The following ARHGAP45 variants were observed in gnomAD, a reference collection of about 807,000 sequenced individuals.
ARHGAP45 encodes the protein rho GTPase-activating protein 45.
Under a neutral mutation model 116.1 loss-of-function variants are expected in ARHGAP45, and 56 were observed. The ratio of observed to expected loss-of-function variants is 0.48; its 90% confidence interval spans 0.39 to 0.60. ARHGAP45 has a LOEUF of 0.60. Ranked by LOEUF, ARHGAP45 falls within the 20% of genes least tolerant of loss-of-function variation. ARHGAP45 has a pLI of 0.00. For synonymous variants in ARHGAP45, 866 were observed against 701.7 expected (o/e 1.23, Z -3.70); for missense variants, 1,622 against 1,601.0 (o/e 1.01, Z -0.22).
rs1219835297 is a variant in ARHGAP45, at chr19:1,080,912, C to G, written c.2038C>G (p.Pro680Ala). 2 of 1,608,720 alleles carry G rather than the reference C, an allele frequency of 1.2e-6. No homozygotes were observed. Among genetic ancestry groups the G allele is most frequent in the Non-Finnish European group, 1.7e-6 (2 of 1,177,910 alleles). ...CGCAGCTGACCTCAACGGCATGACC[C>G]CCGAGCTGCCGGTGGCCGTGCCCAG... ...FEQADLNGMTPELPVAVPSGP... is the reference protein window; with the variant it reads ...FEQADLNGMTAELPVAVPSGP... The change falls in exon 17 of 23, where the codon CCC (proline) becomes GCC (alanine). Residue 680 changes from proline (P) to alanine (A), a missense_variant. Physicochemically the swap from Pro to Ala is conservative, Grantham distance 27 (BLOSUM62 -1). Coordinates refer to ENST00000313093, the MANE Select transcript of ARHGAP45 (RefSeq NM_012292.5).
intron 17 of ARHGAP45, 68 bp downstream of exon 17, chr19:1,081,132 C>A: frequency 6.7e-7 from 1 of 1,483,630 alleles, no homozygotes; most frequent in Non-Finnish European, 9.1e-7. Context: ...GCACCGCCGG[C>A]CTGTGTGCCC....
chr19:1,075,890 T>C (rs2043237101), intron 10 of ARHGAP45, among the ~76,000 whole-genome samples: 2 of 152,202 alleles, frequency 1.3e-5, no homozygotes, highest in South Asian at 4.1e-4. Flanking sequence ...TTCCAGCACA[T>C]ACCGGCAAAC....
rs746545841 is a variant in ARHGAP45, at chr19:1,080,268, C to T, written c.1717C>T (p.Arg573Cys). ...VSANAWSPVM[R>C]ARKSSFNVSD... The stretch of plus-strand genomic sequence containing the variant: ...TTCTTCCACTAGGTCCCCCGTCATG[C>T]GTGCCCGGAAGAGCAGCTTCAACGT... The change falls in exon 14 of 23, where the codon CGT becomes TGT. Residue 573 changes from arginine to cysteine, a missense_variant. By Grantham distance (180) the Arg-to-Cys change is radical (BLOSUM62 -3). Coordinates refer to ENST00000313093, the MANE Select transcript of ARHGAP45 (RefSeq NM_012292.5). The T allele has an allele frequency of 8.1e-6, 13 of 1,612,614 alleles. No individual in the cohort carries two copies. The highest frequency in any genetic ancestry group is 1.1e-5 in the Non-Finnish European group (13 of 1,179,862).
At position 1,074,146 on chromosome 19, in the gene ARHGAP45, G is replaced by T; in HGVS notation, c.833G>T (p.Cys278Phe). 1 of 1,613,414 alleles carries T rather than the reference G, an allele frequency of 6.2e-7. No homozygotes were observed. The highest frequency in any genetic ancestry group is 8.5e-7 in the Non-Finnish European group (1 of 1,179,984). Reference sequence around the variant, plus strand: ...GAGGTGGACGTGCTGCTACAGCGCTGTGAGGGGGGCGTGGATGCCGCACTG... The same window carrying T: ...GAGGTGGACGTGCTGCTACAGCGCTTTGAGGGGGGCGTGGATGCCGCACTG... ...AEEVDVLLQRCEGGVDAALLY... is the reference protein window; with the variant it reads ...AEEVDVLLQRFEGGVDAALLY... Residue 278 changes from cysteine to phenylalanine, a missense_variant, in exon 7 of 23, where the codon TGT becomes TTT. Cys to Phe is a radical substitution (Grantham distance 205). Coordinates refer to ENST00000313093, the MANE Select transcript of ARHGAP45 (RefSeq NM_012292.5).
chr19:1,067,199 G>T lies in ARHGAP45; in HGVS notation c.-207G>T, dbSNP rs1192826586. 1 of 1,349,034 alleles carries T rather than the reference G, an allele frequency of 7.4e-7. No individual in the cohort carries two copies. Among genetic ancestry groups the T allele is most frequent in the Non-Finnish European group, 9.5e-7 (1 of 1,056,308 alleles). 83.6% of individuals were successfully genotyped at this position (1,349,034 alleles called of 1,614,324 possible). On this transcript the variant is annotated 5_prime_UTR_variant, in exon 1 of 23. Coordinates refer to ENST00000313093, the MANE Select transcript of ARHGAP45 (RefSeq NM_012292.5). Reference sequence around the variant, plus strand: ...AGAGCCGCAGGCTGAGGCCGGGAAGGGTCGGGGGCGAGGCCGCGTCGCCGC... The same window carrying T: ...AGAGCCGCAGGCTGAGGCCGGGAAGTGTCGGGGGCGAGGCCGCGTCGCCGC...
intron 10 of ARHGAP45, 32 bp downstream of exon 10, chr19:1,074,911 G>A: frequency 6.9e-7 from 1 of 1,445,244 alleles, no homozygotes; most frequent in Non-Finnish European, 9.3e-7. Context: ...GGGCGGGGGC[G>A]GGCAGCGGGC....
chr19:1,079,890 C>A (rs746939162), intron 12 of ARHGAP45, 38 bp from the exon 13 acceptor site: 2 of 1,593,966 alleles, frequency 1.3e-6, no homozygotes. Context: ...ACCGGGCGGC[C>A]TCCTCCTGAC....
chr19:1,081,584 C>T lies in ARHGAP45; in HGVS notation c.2225C>T (p.Thr742Met), dbSNP rs1915887205. The T allele has an allele frequency of 1.3e-6, 2 of 1,505,304 alleles. No individual in the cohort carries two copies. Among genetic ancestry groups the T allele is most frequent in the Non-Finnish European group, 1.8e-6 (2 of 1,125,190 alleles). 93.2% of individuals were successfully genotyped at this position (1,505,304 alleles called of 1,614,324 possible). ...GCCTGCCACAAGAAATGTCTGGAGA[C>T]GCTGGCCATACAGTGCGGGCACAAG... ...CLACHKKCLETLAIQCGHKKL... is the reference protein window; with the variant it reads ...CLACHKKCLEMLAIQCGHKKL... Residue 742 changes from threonine (T) to methionine (M), a missense_variant, in exon 18 of 23, where the codon ACG becomes ATG. Thr to Met is a moderately conservative substitution (Grantham distance 81, BLOSUM62 -1). Transcript: ENST00000313093.
rs113132485 is a variant in ARHGAP45, at chr19:1,085,041, C to A, written c.3065-619C>A. 3.3e-3 allele frequency among the ~76,000 whole-genome samples: 505 copies of A among 152,282 alleles called. 7 individuals are homozygous for A. The highest frequency in any genetic ancestry group is 0.012 in the African/African-American group (484 of 41,546). On this transcript the variant is annotated intron_variant, in intron 22 of 22. Coordinates refer to ENST00000313093, the MANE Select transcript of ARHGAP45 (RefSeq NM_012292.5). ...AGGTTGCACTGAGCCAAGATCATGG[C>A]ACTGCACTCCAGCCCGGGCAAGAGA...
chr19:1,073,971 G>C lies in ARHGAP45; in HGVS notation c.747G>C (p.Pro249=), dbSNP rs1217659927. The C allele has an allele frequency of 5.7e-6, 9 of 1,586,620 alleles. No homozygotes were observed. The highest frequency in any genetic ancestry group is 7.7e-6 in the Non-Finnish European group (9 of 1,167,320). The change falls in exon 6 of 23, where the codon CCG becomes CCC. Residue 249 remains proline, a synonymous_variant. Transcript: ENST00000313093. ...AGTCCATGGAAAGCCTGTATGGACC[G>C]GGCAGTGAGGGCACGCCTCCCAGCC... ...SSQSMESLYG[P]GSEGTPPSLE...
chr19:1,082,949 A>G lies in ARHGAP45; in HGVS notation c.2627A>G (p.Asp876Gly). ...AAGGCGGCGTCCCGGGGCCGGCAGG[A>G]CGGCTCGGAGAGCGAGGCAGTGGCG... Reference protein sequence around the residue: ...EAKAASRGRQDGSESEAVAVA... With the variant: ...EAKAASRGRQGGSESEAVAVA... The change falls in exon 20 of 23, where the codon GAC (aspartate) becomes GGC (glycine). Residue 876 changes from aspartate to glycine, a missense_variant. By Grantham distance (94) the Asp-to-Gly change is moderately conservative (BLOSUM62 -1). Coordinates refer to ENST00000313093, the MANE Select transcript of ARHGAP45 (RefSeq NM_012292.5). 1.9e-6 allele frequency: 3 copies of G among 1,575,232 alleles called. No individual in the cohort carries two copies. The highest frequency in any genetic ancestry group is 8.6e-7 in the Non-Finnish European group (1 of 1,164,370).
chr19:1,073,545 A>T lies in ARHGAP45; in HGVS notation c.605A>T (p.Glu202Val). 1 of 1,613,988 alleles carries T rather than the reference A, an allele frequency of 6.2e-7. No individual in the cohort carries two copies. The highest frequency in any genetic ancestry group is 8.5e-7 in the Non-Finnish European group (1 of 1,179,970). The change falls in exon 4 of 23, where the codon GAG becomes GTG. Residue 202 changes from glutamate to valine, a missense_variant. Physicochemically the swap from Glu to Val is moderately radical, Grantham distance 121 (BLOSUM62 -2). Around this residue, in one of 3 missense-constraint regions of ARHGAP45, gnomAD observed 279 missense variants for 311.9 expected, o/e 0.89. Transcript: ENST00000313093. ...YESNNDLEKQEFEKALETIAV... is the reference protein window; with the variant it reads ...YESNNDLEKQVFEKALETIAV... The stretch of plus-strand genomic sequence containing the variant: ...AGCAACAATGATCTGGAGAAACAGG[A>T]GTTCGAGAAGGCCCTGGAGACGATT...
At position 1,081,806 on chromosome 19, in the gene ARHGAP45, A is replaced by G. The variant is rs1555709619; in HGVS notation, c.2380-18A>G. 3 of 1,594,630 alleles carry G rather than the reference A, an allele frequency of 1.9e-6. No individual in the cohort carries two copies. The highest frequency in any genetic ancestry group is 2.6e-6 in the Non-Finnish European group (3 of 1,170,922). On this transcript the variant is annotated intron_variant, in intron 18 of 22. Transcript: ENST00000313093. Reference sequence around the variant, plus strand: ...TGGGCCGAGGCTGATGGGCCTCCCCACCCCCGGGCTCCCGCAGGGCATCTA... The same window carrying G: ...TGGGCCGAGGCTGATGGGCCTCCCCGCCCCCGGGCTCCCGCAGGGCATCTA...
intron 22 of ARHGAP45, 118 bp from the exon 23 acceptor site, chr19:1,085,542 T>TCCCCC (rs2043594137): frequency 7.0e-6 from 5 of 712,344 alleles, no homozygotes; most frequent in South Asian, 3.8e-5. Context: ...ATCTCTCCTG[T>TCCCCC]CTCTCCATCT....
At position 1,080,067 on chromosome 19, in the gene ARHGAP45, A is replaced by G; in HGVS notation, c.1652A>G (p.Gln551Arg). The G allele has an allele frequency of 6.2e-7, 1 of 1,612,678 alleles. No individual in the cohort carries two copies. The highest frequency in any genetic ancestry group is 8.5e-7 in the Non-Finnish European group (1 of 1,179,920). ...ASHVRQLQRD[Q>R]EPDVHYDFEP... Reference sequence around the variant, plus strand: ...CACGTGCGCCAGCTGCAGCGGGACCAGGAGCCCGATGTGCACTACGACTTT... The same window carrying G: ...CACGTGCGCCAGCTGCAGCGGGACCGGGAGCCCGATGTGCACTACGACTTT... The change falls in exon 13 of 23, where the codon CAG becomes CGG. Residue 551 changes from glutamine to arginine, a missense_variant. By Grantham distance (43) the Gln-to-Arg change is conservative (BLOSUM62 1). Coordinates refer to ENST00000313093, the MANE Select transcript of ARHGAP45 (RefSeq NM_012292.5).
chr19:1,083,232 AGGCCACCGT>A lies in ARHGAP45; in HGVS notation c.2836_2844del (p.Ala946_Val948del). 2 of 1,607,872 alleles carry A rather than the reference AGGCCACCGT, an allele frequency of 1.2e-6. No individual in the cohort carries two copies. The highest frequency in any genetic ancestry group is 1.7e-6 in the Non-Finnish European group (2 of 1,177,656). The stretch of plus-strand genomic sequence containing the variant: ...ACGCTGCTTCGGCCACGGCCCACCG[AGGCCACCGT>A]GTCCCTCTCCTCCCTGGTGGATTAT... On this transcript the variant is annotated inframe_deletion, in exon 21 of 23. Transcript: ENST00000313093.
Position 1,085,969 on chromosome 19 carries a change from TG to T in ARHGAP45, c.3377del (p.Gly1126AlafsTer39), listed in dbSNP as rs1474134021. On this transcript the variant is annotated frameshift_variant, in exon 23 of 23. Transcript: ENST00000313093. LOFTEE classifies it low-confidence loss of function (END_TRUNC). ...AGGCTCCGTGGCGGGCGGATGACAC[TG>T]GGCTCCTGCAGGGAAAGGCAGCCGG... ...PMRLRGGRMT[L>X]GSCRERQPEF... The T allele has an allele frequency of 6.2e-7, 1 of 1,612,612 alleles. No homozygotes were observed. Among genetic ancestry groups the T allele is most frequent in the Non-Finnish European group, 8.5e-7 (1 of 1,179,882 alleles).
At position 1,080,141 on chromosome 19, in the gene ARHGAP45, T is replaced by C. The variant is rs978009463; in HGVS notation, c.1703+23T>C. On this transcript the variant is annotated intron_variant, in intron 13 of 22. Transcript: ENST00000313093. ...CTGGTACCGCCACCCAGCTGCCCTG[T>C]CCCCGGCGCACAAGGCCCTGCCTGG... 1.9e-6 allele frequency: 3 copies of C among 1,610,750 alleles called. No homozygotes were observed. In the African/African-American group the frequency reaches 4.0e-5, roughly 22 times the overall value.
At chr19:1,074,986 G>T in intron 10 of ARHGAP45, 107 bp downstream of exon 10, 1 of 915,130 alleles carries the variant, frequency 1.1e-6, no homozygotes, top group Non-Finnish European at 1.4e-6. Flanking sequence ...CTCCGCACAC[G>T]CCCCGGCCTC....
Sources: gnomAD v4.1 joint callset for allele counts (sites outside exome capture counted in the v4.1 genomes callset) on GRCh38, gnomAD v4.1.1 for gene constraint, gnomAD v4.1.1 regional missense constraint, MANE v1.5 for transcripts, NCBI Gene and HGNC (gene_info 2026-07-23, HGNC 2026-07-21) for gene names.